Variants in HDAC4 observed in about 807,000 individuals in gnomAD.
HDAC4 encodes the protein histone deacetylase 4.
HDAC4 carries 16 observed loss-of-function variants against 135.1 expected under a neutral mutation model. The observed-to-expected ratio is 0.12, with a 90% CI of 0.08 to 0.18. The LOEUF (loss-of-function observed/expected upper bound fraction) is 0.18. HDAC4 is among the 10% of genes least tolerant of loss of function. HDAC4 has a pLI of 1.00. For missense variants in HDAC4, 1,143 were observed against 1,511.8 expected, an observed-to-expected ratio of 0.76 and a Z score of 4.05; for synonymous variants, 685 against 653.4, an observed-to-expected ratio of 1.05 and a Z score of -0.74.
chr2:239,211,041 G>A (rs2046332950), intron 3 of HDAC4, among the ~76,000 whole-genome samples: 1 of 152,200 alleles, frequency 6.6e-6, no homozygotes, highest in Admixed American at 6.5e-5. Context: ...TTACTGGACA[G>A]TATTTGAAAG....
At chr2:239,128,157 T>C (rs1176657970) in intron 11 of HDAC4, among the ~76,000 whole-genome samples, 1 of 152,196 alleles carries the variant, frequency 6.6e-6, no homozygotes, top group African/African-American at 2.4e-5. Context: ...AATTTTATCA[T>C]CAATGCTTGG....
In HDAC4 at chr2:239,285,290, TG is replaced by T. The variant is rs1344052804; in HGVS notation, c.23-48627del. Reference sequence around the variant, plus strand: ...GGGGGTGGGAGGGGCAGATCCCTGCTGGGAGTGGAGAACGCGCCGCGGCTGG... The same window carrying T: ...GGGGGTGGGAGGGGCAGATCCCTGCTGGAGTGGAGAACGCGCCGCGGCTGG... On this transcript the variant is annotated intron_variant, in intron 2 of 26. Transcript: ENST00000543185. The surrounding 1 kb of genome is among the most constrained non-coding windows in gnomAD (Gnocchi z 4.5). Among the ~76,000 whole-genome samples, 2 of 152,308 alleles carry T rather than the reference TG, an allele frequency of 1.3e-5. No homozygotes were observed. Among genetic ancestry groups the T allele is most frequent in the Non-Finnish European group, 2.9e-5 (2 of 68,020 alleles).
At chr2:239,147,296 C>A (rs1008479233) in intron 7 of HDAC4, among the ~76,000 whole-genome samples, 2 of 152,218 alleles carry the variant, frequency 1.3e-5, no homozygotes, top group Admixed American at 1.3e-4. Context: ...GGGTGGCCAG[C>A]CTTCCTGCTT....
At chr2:239,278,933 C>G (rs1013982330) in intron 2 of HDAC4, among the ~76,000 whole-genome samples, 7 of 152,064 alleles carry the variant, frequency 4.6e-5, no homozygotes, top group African/African-American at 1.7e-4. Context: ...CCCAAGAGCT[C>G]GAGGCCAGCC....
chr2:239,225,655 G>A (rs2153141918), intron 3 of HDAC4, among the ~76,000 whole-genome samples: 1 of 152,316 alleles, frequency 6.6e-6, no homozygotes, highest in Middle Eastern at 3.4e-3. Flanking sequence ...GCAGGGCTGG[G>A]TGCTGTAGAA....
intron 12 of HDAC4, among the ~76,000 whole-genome samples, chr2:239,117,477 C>G (rs2039238642): frequency 6.6e-6 from 1 of 151,036 alleles, no homozygotes; most frequent in Admixed American, 6.6e-5. Flanking sequence ...GCTGCCCCAT[C>G]ACATCTGGGA....
chr2:239,150,001 A>C (rs1559515279), intron 7 of HDAC4, among the ~76,000 whole-genome samples: 1 of 152,232 alleles, frequency 6.6e-6, no homozygotes, highest in Non-Finnish European at 1.5e-5. Context: ...AAAGGTGCTC[A>C]AAGTTGCTGG....
intron 22 of HDAC4, among the ~76,000 whole-genome samples, chr2:239,078,350 G>C (rs1037981018): frequency 6.6e-6 from 1 of 152,190 alleles, no homozygotes; most frequent in African/African-American, 2.4e-5. Flanking sequence ...ATGCAATGTG[G>C]CAGGCAACGG....
At chr2:239,287,895 CAT>C (rs1285623386) in intron 2 of HDAC4, among the ~76,000 whole-genome samples, 2 of 152,020 alleles carry the variant, frequency 1.3e-5, no homozygotes, top group African/African-American at 4.8e-5. Flanking sequence ...CTTTTAAATC[CAT>C]ATGACAGGAA....
chr2:239,188,705 A>G (rs2044708616), intron 4 of HDAC4, among the ~76,000 whole-genome samples: 1 of 152,198 alleles, frequency 6.6e-6, no homozygotes. Flanking sequence ...CAACAGCAGC[A>G]GTGTTGGTGG....
At chr2:239,302,644 CCCCTCAA>C (rs2052337739) in intron 2 of HDAC4, among the ~76,000 whole-genome samples, 1 of 152,226 alleles carries the variant, frequency 6.6e-6, no homozygotes, top group Non-Finnish European at 1.5e-5. Context: ...CATGGCCCAG[CCCCTCAA>C]CCCTCGAGCC....
At chr2:239,142,154 G>T (rs527254661) in intron 8 of HDAC4, among the ~76,000 whole-genome samples, 1 of 152,264 alleles carries the variant, frequency 6.6e-6, no homozygotes, top group African/African-American at 2.4e-5. Flanking sequence ...GACAGAGTGC[G>T]TATGGGAATG....
chr2:239,115,215 C>T lies in HDAC4; in HGVS notation c.1629G>A (p.Glu543=), dbSNP rs757134570. Residue 543 remains glutamate, a synonymous_variant, in exon 13 of 27, where the codon GAG becomes GAA. Coordinates refer to ENST00000543185, the MANE Select transcript of HDAC4 (RefSeq NM_001378414.1). This position sits in a 1 kb window ranked among gnomAD's most constrained non-coding sequence, Gnocchi z 6.3. ...GCCCCGGCAGCCGGTCCAGGTAGGG[C>T]TCGTCCAGCAGAGCCTGGTGCTCAC... ...ELREHQALLD[E]PYLDRLPGQK... 1.3e-5 allele frequency: 21 copies of T among 1,612,118 alleles called. No individual in the cohort carries two copies. In the South Asian group the frequency reaches 2.3e-4, roughly 18 times the overall value.
At chr2:239,233,699 T>C (rs1347527079) in intron 3 of HDAC4, among the ~76,000 whole-genome samples, 3 of 152,202 alleles carry the variant, frequency 2.0e-5, no homozygotes, top group African/African-American at 7.2e-5. Context: ...GTGTTGAACA[T>C]AACGGCATTC....
At chr2:239,364,683 T>A (rs1016341189) in intron 1 of HDAC4, among the ~76,000 whole-genome samples, 2 of 152,226 alleles carry the variant, frequency 1.3e-5, no homozygotes, top group Non-Finnish European at 2.9e-5. Flanking sequence ...TATAATTCAA[T>A]AAAAAACTGG....
chr2:239,137,733 T>C (rs3791469), intron 9 of HDAC4, among the ~76,000 whole-genome samples: 132,216 of 152,128 alleles, frequency 0.87, 57,796 homozygotes, highest in African/African-American at 0.95. Flanking sequence ...GAAGCACAGG[T>C]GTTCTCACAG....
At chr2:239,082,789 A>G (rs780920493) in intron 20 of HDAC4, among the ~76,000 whole-genome samples, 76 of 152,352 alleles carry the variant, frequency 5.0e-4, no homozygotes, top group Non-Finnish European at 1.0e-3. Flanking sequence ...CCGTTTCTTA[A>G]TCACAAAACC....
chr2:239,055,366 A>T (rs746528553), intron 24 of HDAC4: 7 of 184,440 alleles, frequency 3.8e-5, no homozygotes, highest in Non-Finnish European at 8.1e-5. Flanking sequence ...AGCAGGGAAG[A>T]AGTTTACAAG....
chr2:239,130,267 G>A (rs1355379136), intron 11 of HDAC4, among the ~76,000 whole-genome samples: 3 of 152,184 alleles, frequency 2.0e-5, no homozygotes, highest in South Asian at 2.1e-4. Flanking sequence ...CCACAGCCTC[G>A]CGTGCCAATT....
Sources: gnomAD v4.1 joint callset for allele counts (sites outside exome capture counted in the v4.1 genomes callset) on GRCh38, gnomAD v4.1.1 for gene constraint, Gnocchi (gnomAD v3.1) non-coding constraint, MANE v1.5 for transcripts, NCBI Gene and HGNC (gene_info 2026-07-23, HGNC 2026-07-21) for gene names.